Variants in TBCK observed in about 807,000 individuals in gnomAD.
TBCK encodes TBC1 domain containing kinase, also known as TBC domain-containing protein kinase-like protein.
TBCK carries 99 observed loss-of-function variants against 113.4 expected under a neutral mutation model. The ratio of observed to expected loss-of-function variants is 0.87; its 90% CI spans 0.74 to 1.03. The LOEUF (loss-of-function observed/expected upper bound fraction) is 1.03. TBCK is among the 50% of genes least tolerant of loss of function. The probability of loss-of-function intolerance (pLI) is 0.00; values close to 1 mark genes in which losing one functional copy is unlikely to be tolerated. For missense variants in TBCK, 1,045 were observed against 1,061.3 expected (o/e 0.98, Z 0.21); for synonymous variants, 369 against 370.8 (o/e 1.00, Z 0.05).
At chr4:106,073,620 T>C (rs1019353252) in intron 25 of TBCK, among the ~76,000 whole-genome samples, 16 of 152,302 alleles carry the variant, frequency 1.1e-4, no homozygotes, top group African/African-American at 3.9e-4. Context: ...TCAAATACCA[T>C]GCTGGGAGAA....
chr4:106,102,372 G>A (rs995044834), intron 24 of TBCK, among the ~76,000 whole-genome samples: 1 of 152,096 alleles, frequency 6.6e-6, no homozygotes, highest in Admixed American at 6.6e-5. Flanking sequence ...CCACCTGCAG[G>A]CTTTTTGTAT....
At chr4:106,067,019 G>C (rs1367355731) in intron 25 of TBCK, among the ~76,000 whole-genome samples, 1 of 151,930 alleles carries the variant, frequency 6.6e-6, no homozygotes. Context: ...AATTCTTTTT[G>C]GTAAGCATCT....
intron 20 of TBCK, among the ~76,000 whole-genome samples, chr4:106,205,176 T>C (rs72891650): frequency 0.027 from 4,102 of 152,298 alleles, 179 homozygotes; most frequent in African/African-American, 0.094. Flanking sequence ...ACTGTGAAAT[T>C]GGTCGGTTCC....
chr4:106,195,492 T>TGTGTG (rs371211369), intron 20 of TBCK, among the ~76,000 whole-genome samples: 3,351 of 148,768 alleles, frequency 0.023, 70 homozygotes, highest in East Asian at 0.077. Context: ...ATGTGTGTGT[T>TGTGTG]TGTGTGTGTG....
chr4:106,131,950 T>A (rs1165975408), intron 23 of TBCK, among the ~76,000 whole-genome samples: 1 of 152,188 alleles, frequency 6.6e-6, no homozygotes, highest in African/African-American at 2.4e-5. Flanking sequence ...TAGAGATCTG[T>A]GGAACTTTGA....
chr4:106,061,442 T>TC (rs1736035204), intron 25 of TBCK, among the ~76,000 whole-genome samples: 1 of 150,982 alleles, frequency 6.6e-6, no homozygotes, highest in Non-Finnish European at 1.5e-5. Context: ...AGCATACTTT[T>TC]TTTTTTTTTT....
chr4:106,178,670 G>A (rs114896020), intron 22 of TBCK, among the ~76,000 whole-genome samples: 1 of 151,998 alleles, frequency 6.6e-6, no homozygotes, highest in African/African-American at 2.4e-5. Context: ...AATCCCCCTT[G>A]ACCATGGTGA....
At chr4:106,290,420 C>T (rs1274239001) in intron 3 of TBCK, among the ~76,000 whole-genome samples, 1 of 152,140 alleles carries the variant, frequency 6.6e-6, no homozygotes, top group Non-Finnish European at 1.5e-5. Context: ...TCGTGATCCG[C>T]CCACCTTGGC....
chr4:106,049,468 T>C (rs948180952), intron 25 of TBCK, among the ~76,000 whole-genome samples: 3 of 152,044 alleles, frequency 2.0e-5, no homozygotes, highest in Non-Finnish European at 4.4e-5. Context: ...GCTATACTTA[T>C]CAGACAATAT....
chr4:106,117,917 G>C (rs987005333), intron 23 of TBCK, among the ~76,000 whole-genome samples: 1 of 151,740 alleles, frequency 6.6e-6, no homozygotes, highest in Admixed American at 6.6e-5. Flanking sequence ...GCTGAGACAG[G>C]AGAATGGCGT....
intron 23 of TBCK, among the ~76,000 whole-genome samples, chr4:106,166,983 A>G (rs763261489): frequency 6.6e-6 from 1 of 150,736 alleles, no homozygotes; most frequent in Non-Finnish European, 1.5e-5. Flanking sequence ...GGAACAAGTA[A>G]GTCTACCTAC....
chr4:106,235,814 TG>T (rs1759396348), intron 14 of TBCK, among the ~76,000 whole-genome samples: 2 of 152,202 alleles, frequency 1.3e-5, no homozygotes, highest in Non-Finnish European at 2.9e-5. Context: ...TTTATAAATT[TG>T]TGTCTTAGGA....
intron 3 of TBCK, among the ~76,000 whole-genome samples, chr4:106,292,429 G>A (rs1579535516): frequency 6.6e-6 from 1 of 151,952 alleles, no homozygotes; most frequent in South Asian, 2.1e-4. Flanking sequence ...AATTAGCAAG[G>A]CATGGTGGTG....
At chr4:106,279,547 CTT>C (rs1377362965) in intron 3 of TBCK, among the ~76,000 whole-genome samples, 1 of 152,010 alleles carries the variant, frequency 6.6e-6, no homozygotes, top group Non-Finnish European at 1.5e-5. Context: ...AATACCAGAT[CTT>C]ATTCATTCTA....
chr4:106,207,767 T>C (rs942850019), intron 20 of TBCK, among the ~76,000 whole-genome samples: 1 of 152,132 alleles, frequency 6.6e-6, no homozygotes, highest in African/African-American at 2.4e-5. Flanking sequence ...GAAAAAGATT[T>C]CAAAAAACAG....
intron 20 of TBCK, among the ~76,000 whole-genome samples, chr4:106,208,382 A>G (rs1354281113): frequency 6.8e-6 from 1 of 147,602 alleles, no homozygotes. Context: ...AGTTTTTTAC[A>G]CTGTTGTGGC....
intron 22 of TBCK, among the ~76,000 whole-genome samples, chr4:106,191,551 A>G (rs1035261999): frequency 1.3e-5 from 2 of 152,312 alleles, no homozygotes; most frequent in South Asian, 4.1e-4. Context: ...CTTTGAAAAT[A>G]TGTGGAAAAT....
intron 19 of TBCK, among the ~76,000 whole-genome samples, chr4:106,223,345 T>C (rs1757912988): frequency 6.6e-6 from 1 of 152,144 alleles, no homozygotes; most frequent in South Asian, 2.1e-4. Context: ...CTTTAGACTT[T>C]GTATGTCTGT....
intron 11 of TBCK, 42 bp from the exon 12 acceptor site, chr4:106,242,611 GTTTA>G (rs1425058039): frequency 8.6e-6 from 12 of 1,388,894 alleles, no homozygotes; most frequent in Non-Finnish European, 9.9e-6. Flanking sequence ...ACAAAATCCA[GTTTA>G]TTGTTTCTTC....
Sources: gnomAD v4.1 joint callset for allele counts (sites outside exome capture counted in the v4.1 genomes callset) on GRCh38, gnomAD v4.1.1 for gene constraint, MANE v1.5 for transcripts, NCBI Gene and HGNC (gene_info 2026-07-23, HGNC 2026-07-21) for gene names.